The following CFAP61 variants were observed in gnomAD, a reference collection of about 807,000 sequenced individuals.
CFAP61 encodes the protein cilia and flagella associated protein 61.
A neutral mutation model predicts 135.6 loss-of-function variants in CFAP61; 107 were observed. The observed-to-expected ratio is 0.79, with a 90% CI of 0.67 to 0.93. The LOEUF (loss-of-function observed/expected upper bound fraction) is 0.93, where lower values mean the gene tolerates loss of function less well. CFAP61 is among the 40% of genes least tolerant of loss of function. The pLI is 0.00. For missense variants in CFAP61, 1,507 were observed against 1,556.2 expected (o/e 0.97, Z 0.53); for synonymous variants, 575 against 578.5 (o/e 0.99, Z 0.09).
rs752825100 is a variant in CFAP61 at position 20,251,694 on chromosome 20, C to T, written c.2259C>T (p.His753=). 8.7e-6 allele frequency: 14 copies of T among 1,614,238 alleles called. No individual in the cohort carries two copies. Among genetic ancestry groups the T allele is most frequent in the Non-Finnish European group, 1.2e-5 (14 of 1,180,040 alleles). ...CCGGCATAGACCGAGCAGCCAAGCA[C>T]GTTGTGCTTTCCACGGACGAGATCG... ...RMTGIDRAAK[H]VVLSTDEIVP... The change falls in exon 20 of 27, where the codon CAC becomes CAT. Residue 753 remains histidine (H), a synonymous_variant. Transcript: ENST00000245957.
Position 20,265,353 on chromosome 20 carries a change from C to G in CFAP61, c.2503+2223C>G, listed in dbSNP as rs897575722. ...TATTGATAGCAGAGAATTTAGAAAC[C>G]CCAAAGCAAGAAGCGCTGTAGTCTC... is the stretch of plus-strand genomic sequence containing the variant. On this transcript the variant is annotated intron_variant, in intron 21 of 26. Coordinates refer to ENST00000245957, the MANE Select transcript of CFAP61 (RefSeq NM_015585.4). 7.7e-6 allele frequency: 6 copies of G among 778,900 alleles called. No homozygotes were observed. The East Asian group carries it at 1.5e-4, about 19-fold the overall frequency. The allele number at this position is 778,900 out of a possible 1,614,324, so 48.2% of individuals were successfully genotyped here. A position where few individuals can be genotyped will look rare whatever the true frequency, so the allele number is the denominator to read the frequency against.
intron 7 of CFAP61, among the ~76,000 whole-genome samples, chr20:20,093,285 A>G (rs2146622388): frequency 6.6e-6 from 1 of 152,310 alleles, no homozygotes; most frequent in South Asian, 2.1e-4. Context: ...CAGAAGGTAG[A>G]TTAGTGACTG....
chr20:20,236,614 G>A (rs894452073), intron 18 of CFAP61, among the ~76,000 whole-genome samples: 4 of 152,212 alleles, frequency 2.6e-5, no homozygotes, highest in East Asian at 1.9e-4. Context: ...AGCATTTCAC[G>A]AAGTCTCATG....
At chr20:20,221,520 G>A (rs924214614) in intron 17 of CFAP61, among the ~76,000 whole-genome samples, 9 of 152,116 alleles carry the variant, frequency 5.9e-5, no homozygotes, top group African/African-American at 9.7e-5. Context: ...GTAACACAAC[G>A]TCTAAATGAG....
At chr20:20,185,076 T>C (rs2055402642) in intron 13 of CFAP61, among the ~76,000 whole-genome samples, 1 of 152,204 alleles carries the variant, frequency 6.6e-6, no homozygotes, top group Admixed American at 6.5e-5. Flanking sequence ...GAGTGCAAGC[T>C]TATGCTCGTA....
intron 25 of CFAP61, among the ~76,000 whole-genome samples, chr20:20,320,444 A>AATATATATT: frequency 1.8e-5 from 2 of 112,494 alleles, no homozygotes; most frequent in African/African-American, 9.1e-5. Context: ...TAATATATGT[A>AATATATATT]ATATATATTA....
chr20:20,296,686 C>T (rs1298636224), intron 24 of CFAP61, among the ~76,000 whole-genome samples: 4 of 151,958 alleles, frequency 2.6e-5, no homozygotes, highest in African/African-American at 9.7e-5. Context: ...TAAAAATGAC[C>T]CAGTCTCCCA....
At chr20:20,082,347 G>A (rs896007984) in intron 6 of CFAP61, among the ~76,000 whole-genome samples, 4 of 152,160 alleles carry the variant, frequency 2.6e-5, no homozygotes, top group African/African-American at 4.8e-5. Context: ...CCCCTGTCCT[G>A]TTTCTTTGAT....
chr20:20,326,119 T>A (rs2057738187), intron 25 of CFAP61, among the ~76,000 whole-genome samples: 1 of 152,200 alleles, frequency 6.6e-6, no homozygotes, highest in South Asian at 2.1e-4. Flanking sequence ...GCTATCTCTA[T>A]GTCTTCTTTG....
intron 8 of CFAP61, among the ~76,000 whole-genome samples, chr20:20,133,577 A>G (rs911551376): frequency 6.6e-6 from 1 of 152,232 alleles, no homozygotes; most frequent in Non-Finnish European, 1.5e-5. Flanking sequence ...TACAGGGAAT[A>G]TGAAGAATCA....
chr20:20,085,672 G>A, intron 6 of CFAP61: 2 of 422,184 alleles, frequency 4.7e-6, no homozygotes, highest in South Asian at 4.0e-5. Context: ...ATATTTAAAA[G>A]CCTATGGTGC....
chr20:20,099,162 TACA>T (rs905193982), intron 8 of CFAP61, among the ~76,000 whole-genome samples: 42 of 127,492 alleles, frequency 3.3e-4, no homozygotes, highest in Non-Finnish European at 6.2e-4. Context: ...CACAACCAAA[TACA>T]ACAAGTGAAT....
chr20:20,210,041 T>A (rs1460255687), intron 17 of CFAP61, among the ~76,000 whole-genome samples: 4 of 152,152 alleles, frequency 2.6e-5, no homozygotes, highest in Non-Finnish European at 4.4e-5. Flanking sequence ...CCTCTCCGCT[T>A]TCCTTGCTTT....
chr20:20,193,983 T>A (rs1330720311), intron 15 of CFAP61, among the ~76,000 whole-genome samples: 1 of 152,200 alleles, frequency 6.6e-6, no homozygotes, highest in Non-Finnish European at 1.5e-5. Context: ...TATAATCTGA[T>A]ACCAACCTGA....
At chr20:20,116,411 C>T (rs1044834800) in intron 8 of CFAP61, among the ~76,000 whole-genome samples, 1 of 152,034 alleles carries the variant, frequency 6.6e-6, no homozygotes, top group Admixed American at 6.6e-5. Flanking sequence ...TCTCCTTTGC[C>T]GCGCAGAAAC....
chr20:20,295,830 C>A (rs1261316213), intron 24 of CFAP61, among the ~76,000 whole-genome samples: 3 of 150,986 alleles, frequency 2.0e-5, no homozygotes, highest in African/African-American at 7.3e-5. Flanking sequence ...ATGAGCAAAG[C>A]CCATGTGGCA....
chr20:20,118,899 T>G (rs1195312397), intron 8 of CFAP61, among the ~76,000 whole-genome samples: 1 of 151,964 alleles, frequency 6.6e-6, no homozygotes, highest in African/African-American at 2.4e-5. Context: ...CCCAGGTTGG[T>G]CTTGAACTCT....
At chr20:20,345,583 A>G (rs2058599521) in intron 26 of CFAP61, among the ~76,000 whole-genome samples, 2 of 152,210 alleles carry the variant, frequency 1.3e-5, no homozygotes, top group Non-Finnish European at 2.9e-5. Flanking sequence ...TCTATCTATT[A>G]TCTATGAATA....
chr20:20,266,942 C>A (rs2052795156), intron 21 of CFAP61, among the ~76,000 whole-genome samples: 1 of 152,152 alleles, frequency 6.6e-6, no homozygotes, highest in South Asian at 2.1e-4. Context: ...TAGAGGCTGC[C>A]ATTAGCATTG....
Sources: gnomAD v4.1 joint callset for allele counts (sites outside exome capture counted in the v4.1 genomes callset) on GRCh38, gnomAD v4.1.1 for gene constraint, MANE v1.5 for transcripts, NCBI Gene and HGNC (gene_info 2026-07-23, HGNC 2026-07-21) for gene names.